Variants in PSD3 observed in about 807,000 individuals in gnomAD.
PSD3 encodes the protein PH and SEC7 domain-containing protein 3.
Under a neutral mutation model 105.5 loss-of-function variants are expected in PSD3, and 49 were observed. The observed-to-expected ratio is 0.46, with a 90% CI of 0.37 to 0.59. The LOEUF (loss-of-function observed/expected upper bound fraction) is 0.59, where lower values mean the gene tolerates loss of function less well. Among genes scored for constraint, PSD3 ranks in the 20% least tolerant of loss-of-function variants. PSD3 has a pLI of 0.00. For synonymous variants in PSD3, 557 were observed against 457.8 expected (o/e 1.22, Z -2.77); for missense variants, 1,561 against 1,263.8 (o/e 1.24, Z -3.57).
intron 9 of PSD3, among the ~76,000 whole-genome samples, chr8:18,729,428 G>A (rs998983864): frequency 3.3e-5 from 5 of 152,126 alleles, no homozygotes; most frequent in African/African-American, 1.2e-4. Flanking sequence ...CCTTGTGTAA[G>A]GTTCTTACCC....
chr8:18,816,723 C>T (rs1812251271), intron 4 of PSD3, among the ~76,000 whole-genome samples: 1 of 152,158 alleles, frequency 6.6e-6, no homozygotes, highest in African/African-American at 2.4e-5. Flanking sequence ...AGAGTTTTCC[C>T]TCTGTTCCTG....
chr8:18,824,612 G>C (rs925828639), intron 4 of PSD3, among the ~76,000 whole-genome samples: 2 of 152,172 alleles, frequency 1.3e-5, no homozygotes, highest in African/African-American at 4.8e-5. Context: ...ATTAAATTCT[G>C]CGCAATTCCC....
chr8:18,936,710 A>G (rs887946950), intron 1 of PSD3, among the ~76,000 whole-genome samples: 2 of 151,658 alleles, frequency 1.3e-5, no homozygotes, highest in African/African-American at 4.8e-5. Flanking sequence ...GTGAGCCAAG[A>G]TCGTGCCACT....
rs36117504 is a variant in PSD3 at position 18,614,349 on chromosome 8, CA to C, written c.2411-13916del. On this transcript the variant is annotated intron_variant, in intron 11 of 15. Coordinates refer to ENST00000327040, the MANE Select transcript of PSD3 (RefSeq NM_015310.4). ...AACCCCTTCTCCCCCATCCCCCCCC[CA>C]AAAAAATCAGATGTCCTAAACTAGC... 3.4e-3 allele frequency among the ~76,000 whole-genome samples: 507 copies of C among 149,556 alleles called. 6 individuals carry two copies. The highest frequency in any genetic ancestry group is 0.012 in the African/African-American group (467 of 40,442).
intron 9 of PSD3, among the ~76,000 whole-genome samples, chr8:18,748,484 C>A (rs553508162): frequency 9.0e-4 from 136 of 151,772 alleles, no homozygotes; most frequent in Non-Finnish European, 1.5e-3. Flanking sequence ...CACGGTGAAA[C>A]CCCATCTCTA....
At chr8:18,637,815 G>T (rs989443823) in intron 10 of PSD3, among the ~76,000 whole-genome samples, 9 of 152,020 alleles carry the variant, frequency 5.9e-5, no homozygotes, top group African/African-American at 1.9e-4. Context: ...AATCAATCTG[G>T]AAGAAAGATT....
rs557665219 is a variant in PSD3 at position 18,771,521 on chromosome 8, C to T, written c.2083-5983G>A. On this transcript the variant is annotated intron_variant, in intron 8 of 15. Transcript: ENST00000327040. Reference sequence around the variant, plus strand: ...GACCCATTTTGAGTTCATTTTTGTACGATAGAAAGCAGAGATTCAACTTCA... The same window carrying T: ...GACCCATTTTGAGTTCATTTTTGTATGATAGAAAGCAGAGATTCAACTTCA... Among the ~76,000 whole-genome samples, 9 of 152,242 alleles carry T rather than the reference C, an allele frequency of 5.9e-5. No individual in the cohort carries two copies. In the South Asian group the frequency reaches 6.2e-4, roughly 11 times the overall value.
At chr8:19,050,344 G>A (rs1256108956) in intron 1 of PSD3, among the ~76,000 whole-genome samples, 1 of 152,084 alleles carries the variant, frequency 6.6e-6, no homozygotes, top group Admixed American at 6.6e-5. Context: ...AAGAGGCTTA[G>A]AAAATACAGA....
At chr8:19,015,098 G>T (rs115620305), upstream of PSD3, among the ~76,000 whole-genome samples, 337 of 152,274 alleles carry the variant, frequency 2.2e-3, 1 homozygote, top group African/African-American at 7.9e-3. Context: ...CCAGGTGTGT[G>T]GGAGGAACCT....
chr8:18,815,105 C>G (rs1812100514), intron 4 of PSD3, among the ~76,000 whole-genome samples: 2 of 152,158 alleles, frequency 1.3e-5, no homozygotes, highest in Non-Finnish European at 2.9e-5. Flanking sequence ...ACTCTCCTTT[C>G]TTGATTAGGT....
chr8:19,021,738 G>C (rs1827369904), intron 1 of PSD3, among the ~76,000 whole-genome samples: 3 of 152,106 alleles, frequency 2.0e-5, no homozygotes, highest in Admixed American at 1.3e-4. Context: ...AACTTTGCAG[G>C]CCCAGTTATT....
intron 12 of PSD3, among the ~76,000 whole-genome samples, chr8:18,580,496 A>G (rs1413327948): frequency 6.6e-6 from 1 of 152,056 alleles, no homozygotes; most frequent in African/African-American, 2.4e-5. Context: ...GCTGCAGTGA[A>G]CTGTGATCGC....
At chr8:18,975,275 T>G (rs372611561) in intron 1 of PSD3, among the ~76,000 whole-genome samples, 3 of 151,984 alleles carry the variant, frequency 2.0e-5, no homozygotes, top group African/African-American at 7.3e-5. Context: ...ACCAAGTTTC[T>G]GAAATGCACA....
At chr8:19,049,113 A>T (rs576731759) in intron 1 of PSD3, among the ~76,000 whole-genome samples, 1 of 152,148 alleles carries the variant, frequency 6.6e-6, no homozygotes, top group African/African-American at 2.4e-5. Flanking sequence ...TAATGACCTC[A>T]TTTTACCTTA....
At chr8:18,796,969 A>G (rs566772374) in intron 8 of PSD3, among the ~76,000 whole-genome samples, 234 of 152,302 alleles carry the variant, frequency 1.5e-3, no homozygotes, top group Middle Eastern at 6.8e-3. Context: ...GGCCATGCTG[A>G]CAAGTCAAAC....
intron 1 of PSD3, among the ~76,000 whole-genome samples, chr8:18,999,317 C>A (rs1826246468): frequency 6.6e-6 from 1 of 151,854 alleles, no homozygotes. Flanking sequence ...TGGCTGATGC[C>A]CATTCATACC....
chr8:18,669,711 GT>G (rs1799672611), intron 9 of PSD3, among the ~76,000 whole-genome samples: 1 of 152,220 alleles, frequency 6.6e-6, no homozygotes, highest in South Asian at 2.1e-4. Flanking sequence ...TCCTTTTAAT[GT>G]TTTTGGACGA....
chr8:19,068,218 G>C (rs1259999720), intron 1 of PSD3, among the ~76,000 whole-genome samples: 1 of 148,428 alleles, frequency 6.7e-6, no homozygotes, highest in Non-Finnish European at 1.5e-5. Context: ...TGACATGGGG[G>C]AAGCTAAGGC....
Position 18,556,263 on chromosome 8 carries a change from G to C in PSD3, c.2874C>G (p.Val958=), listed in dbSNP as rs572358453. The C allele has an allele frequency of 6.8e-6, 11 of 1,614,080 alleles. No individual in the cohort carries two copies. The highest frequency in any genetic ancestry group is 5.3e-5 in the African/African-American group (4 of 75,022). Residue 958 remains valine, a synonymous_variant, in exon 15 of 16, where the codon GTC becomes GTG. Coordinates refer to ENST00000327040, the MANE Select transcript of PSD3 (RefSeq NM_015310.4). ...TGTACTCATCGACGTCCTTGGCTTT[G>C]ACCTTCTTGTCGGGGGGATATGAGC... is the stretch of plus-strand genomic sequence containing the variant. The part of the protein sequence containing the change: ...EHRSYPPDKK[V]KAKDVDEYKL...
Sources: gnomAD v4.1 joint callset for allele counts (sites outside exome capture counted in the v4.1 genomes callset) on GRCh38, gnomAD v4.1.1 for gene constraint, MANE v1.5 for transcripts, NCBI Gene and HGNC (gene_info 2026-07-23, HGNC 2026-07-21) for gene names.